The following DLG1 variants were observed in gnomAD, a reference collection of about 807,000 sequenced individuals.
The protein encoded by DLG1 is discs large MAGUK scaffold protein 1.
DLG1 carries 42 observed loss-of-function variants against 123.4 expected under a neutral mutation model. The ratio of observed to expected loss-of-function variants is 0.34; its 90% CI spans 0.27 to 0.44. The LOEUF (loss-of-function observed/expected upper bound fraction) is 0.44. DLG1 is among the 20% of genes least tolerant of loss of function. The pLI is 1.00. For missense variants in DLG1, 942 were observed against 1,082.6 expected (o/e 0.87, Z 1.82); for synonymous variants, 317 against 356.2 (o/e 0.89, Z 1.24).
rs544874385 is a variant in DLG1 at position 197,114,482 on chromosome 3, T to C, written c.1443+1445A>G. 3.1e-4 allele frequency among the ~76,000 whole-genome samples: 47 copies of C among 152,358 alleles called. 1 individual carries two copies. Among genetic ancestry groups the C allele is most frequent in the Middle Eastern group, 6.8e-3 (2 of 294 alleles). ...TAACAGCTATCAACCTGTGTAATTC[T>C]AGATTGAACTAACTTTTAAAGTGAA... On this transcript the variant is annotated intron_variant, in intron 13 of 24. Transcript: ENST00000667157.
chr3:197,239,820 C>G (rs904861364), intron 4 of DLG1, among the ~76,000 whole-genome samples: 1 of 133,240 alleles, frequency 7.5e-6, no homozygotes, highest in African/African-American at 2.9e-5. Flanking sequence ...GAAGATGCGA[C>G]AGTTCAGGGG....
At chr3:197,201,542 G>T (rs1367194711) in intron 4 of DLG1, among the ~76,000 whole-genome samples, 1 of 152,142 alleles carries the variant, frequency 6.6e-6, no homozygotes, top group Non-Finnish European at 1.5e-5. Flanking sequence ...ACCCAATCAA[G>T]AAGGCAATCC....
chr3:197,099,075 G>GT (rs1187450853), intron 14 of DLG1, among the ~76,000 whole-genome samples: 1 of 151,874 alleles, frequency 6.6e-6, no homozygotes, highest in Non-Finnish European at 1.5e-5. Flanking sequence ...TGTTTTTAAG[G>GT]TTTTTTTGGA....
intron 4 of DLG1, among the ~76,000 whole-genome samples, chr3:197,215,449 AC>A (rs1209114390): frequency 1.3e-5 from 2 of 152,178 alleles, no homozygotes; most frequent in African/African-American, 4.8e-5. Flanking sequence ...AGACAATACT[AC>A]ATAGGAGATT....
chr3:197,176,457 C>T (rs1807146109), intron 5 of DLG1, among the ~76,000 whole-genome samples: 1 of 152,074 alleles, frequency 6.6e-6, no homozygotes, highest in Non-Finnish European at 1.5e-5. Context: ...CCTCTGTGCT[C>T]TATTATTTAT....
intron 14 of DLG1, among the ~76,000 whole-genome samples, chr3:197,091,681 C>T (rs78217285): frequency 0.037 from 5,592 of 152,044 alleles, 161 homozygotes; most frequent in South Asian, 0.051. Flanking sequence ...TTTAAAGCTA[C>T]ATATTAAAAA....
chr3:197,126,121 T>C (rs146307653), intron 11 of DLG1, among the ~76,000 whole-genome samples: 5 of 152,198 alleles, frequency 3.3e-5, no homozygotes, highest in African/African-American at 1.2e-4. Flanking sequence ...AAGTTGAAAC[T>C]GCAAGGTGAA....
chr3:197,246,839 C>A (rs1231192123), intron 4 of DLG1, among the ~76,000 whole-genome samples: 1 of 152,130 alleles, frequency 6.6e-6, no homozygotes, highest in Non-Finnish European at 1.5e-5. Context: ...TTGTTACCAT[C>A]CCATTGAGGG....
chr3:197,145,415 A>G (rs1790252132), intron 6 of DLG1, among the ~76,000 whole-genome samples: 1 of 152,180 alleles, frequency 6.6e-6, no homozygotes, highest in South Asian at 2.1e-4. Context: ...TGAATGCTCA[A>G]TTTATGCTTA....
intron 4 of DLG1, among the ~76,000 whole-genome samples, chr3:197,260,850 T>C (rs2150959290): frequency 6.9e-6 from 1 of 143,892 alleles, no homozygotes; most frequent in South Asian, 2.2e-4. Flanking sequence ...GCCTGCAAAG[T>C]AATGACTTTC....
chr3:197,289,502 AAATTT>A (rs2151223562), intron 3 of DLG1, among the ~76,000 whole-genome samples: 1 of 152,362 alleles, frequency 6.6e-6, no homozygotes, highest in African/African-American at 2.4e-5. Context: ...TTTTTATAAT[AAATTT>A]ATTTTGGAGG....
At chr3:197,090,770 G>A in intron 15 of DLG1, 142 bp downstream of exon 15, 2 of 477,490 alleles carry the variant, frequency 4.2e-6, no homozygotes, top group Non-Finnish European at 7.6e-6. Flanking sequence ...CACACTGTCA[G>A]AGAGAATCAA....
chr3:197,259,538 C>T (rs922364466), intron 4 of DLG1, among the ~76,000 whole-genome samples: 4 of 152,028 alleles, frequency 2.6e-5, no homozygotes, highest in African/African-American at 7.3e-5. Context: ...TATGAGACAT[C>T]GTAAGTGCAT....
intron 13 of DLG1, among the ~76,000 whole-genome samples, chr3:197,112,190 T>C (rs1030212221): frequency 6.6e-6 from 1 of 152,234 alleles, no homozygotes; most frequent in Non-Finnish European, 1.5e-5. Context: ...GGATATAGTA[T>C]TTCATTACGA....
At chr3:197,235,346 T>C (rs945703810) in intron 4 of DLG1, among the ~76,000 whole-genome samples, 3 of 152,178 alleles carry the variant, frequency 2.0e-5, no homozygotes, top group Admixed American at 6.5e-5. Context: ...AATCAAATAG[T>C]GAGTACCCTT....
intron 4 of DLG1, among the ~76,000 whole-genome samples, chr3:197,196,605 A>G (rs1722643865): frequency 6.6e-6 from 1 of 152,228 alleles, no homozygotes; most frequent in African/African-American, 2.4e-5. Context: ...AAGGATATTC[A>G]CTACAGTTTG....
At chr3:197,169,590 TCTCA>T (rs1428057739) in intron 5 of DLG1, among the ~76,000 whole-genome samples, 4 of 152,130 alleles carry the variant, frequency 2.6e-5, no homozygotes, top group Non-Finnish European at 5.9e-5. Context: ...AAAAACATTT[TCTCA>T]CTAATTTATT....
At chr3:197,197,200 A>C (rs1722992941) in intron 4 of DLG1, among the ~76,000 whole-genome samples, 1 of 152,152 alleles carries the variant, frequency 6.6e-6, no homozygotes, top group South Asian at 2.1e-4. Flanking sequence ...ATTTCCTGTA[A>C]ATTGGTAGCT....
At chr3:197,049,717 G>A (rs1412852362) in intron 24 of DLG1, among the ~76,000 whole-genome samples, 1 of 152,194 alleles carries the variant, frequency 6.6e-6, no homozygotes, top group African/African-American at 2.4e-5. Flanking sequence ...TTGCACTCCA[G>A]CCTGGGCAGC....
Sources: allele counts gnomAD v4.1 joint callset (sites outside exome capture counted in the v4.1 genomes callset), GRCh38; gene constraint gnomAD v4.1.1; transcripts MANE v1.5; gene names NCBI Gene and HGNC (gene_info 2026-07-23, HGNC 2026-07-21).